The following ELL variants were observed in gnomAD, a reference collection of about 807,000 sequenced individuals.
ELL encodes elongation factor for RNA polymerase II.
In ELL, 18 loss-of-function variants were observed where a neutral mutation model predicts 64.0. The observed-to-expected ratio is 0.28, with a 90% CI of 0.19 to 0.42. The LOEUF (loss-of-function observed/expected upper bound fraction) is 0.42. ELL is among the 10% of genes least tolerant of loss of function. ELL has a pLI of 1.00. For missense variants in ELL, 797 were observed against 870.4 expected (o/e 0.92, Z 1.06); for synonymous variants, 399 against 376.2 (o/e 1.06, Z -0.70).
intron 2 of ELL, among the ~76,000 whole-genome samples, chr19:18,469,250 G>A (rs548728689): frequency 4.1e-4 from 63 of 152,274 alleles, no homozygotes; most frequent in African/African-American, 1.4e-3. Context: ...AAGGTTTCCC[G>A]GAGCCAGACA....
In ELL at chr19:18,472,824, C is replaced by T; in HGVS notation, c.183+11G>A. The T allele has an allele frequency of 6.7e-7, 1 of 1,488,638 alleles. No individual in the cohort carries two copies. Among genetic ancestry groups the T allele is most frequent in the East Asian group, 2.8e-5 (1 of 35,252 alleles). 92.2% of individuals were successfully genotyped at this position (1,488,638 alleles called of 1,614,324 possible). ...AGATTCCAAATATGAATGATTAAGACAAAAACTTACCCCTTGGCTTCCTTG... is the reference window on the plus strand; with the variant it reads ...AGATTCCAAATATGAATGATTAAGATAAAAACTTACCCCTTGGCTTCCTTG... On this transcript the variant is annotated intron_variant, in intron 2 of 11. Coordinates refer to ENST00000262809, the MANE Select transcript of ELL (RefSeq NM_006532.4).
At position 18,443,825 on chromosome 19, in the gene ELL, G is replaced by A. The variant is rs958747661; in HGVS notation, c.*927C>T. 6.0e-5 allele frequency: 14 copies of A among 233,092 alleles called. No individual in the cohort carries two copies. Among genetic ancestry groups the A allele is most frequent in the South Asian group, 5.4e-4 (3 of 5,530 alleles). The allele number at this position is 233,092 out of a possible 1,614,324, so 14.4% of individuals were successfully genotyped here. A position where few individuals can be genotyped will look rare whatever the true frequency, so the allele number is the denominator to read the frequency against. On this transcript the variant is annotated 3_prime_UTR_variant, in exon 12 of 12. Coordinates refer to ENST00000262809, the MANE Select transcript of ELL (RefSeq NM_006532.4). ...ACCTTGGCGGTGGCTCTGCTAAGAC[G>A]ACCCCAGGACCCACAAGTGGACAGA...
chr19:18,505,397 C>G (rs766622322), intron 1 of ELL, among the ~76,000 whole-genome samples: 18 of 152,236 alleles, frequency 1.2e-4, no homozygotes, highest in Non-Finnish European at 2.4e-4. Flanking sequence ...GCAATAAGCC[C>G]CAGCTACTGC....
chr19:18,467,879 A>C (rs10413922), intron 2 of ELL, among the ~76,000 whole-genome samples: 7,059 of 60,348 alleles, frequency 0.12, 690 homozygotes, highest in African/African-American at 0.28. Flanking sequence ...AATCCCCCCC[A>C]CACACAAACA....
At chr19:18,461,459 C>T (rs1974811655) in intron 5 of ELL, 119 bp downstream of exon 5, 1 of 1,468,470 alleles carries the variant, frequency 6.8e-7, no homozygotes, top group Non-Finnish European at 9.1e-7. Context: ...GTGAGAGACC[C>T]CAGGAAGGGC....
chr19:18,486,731 G>T (rs1975426301), intron 1 of ELL, among the ~76,000 whole-genome samples: 1 of 152,196 alleles, frequency 6.6e-6, no homozygotes, highest in Non-Finnish European at 1.5e-5. Flanking sequence ...TGTCCCAGAA[G>T]ATAGGCAAAG....
At chr19:18,483,741 C>T (rs764314460) in intron 1 of ELL, among the ~76,000 whole-genome samples, 2 of 152,186 alleles carry the variant, frequency 1.3e-5, no homozygotes, top group Non-Finnish European at 2.9e-5. Context: ...ACATTTACTA[C>T]ACAATTCTTC....
At chr19:18,512,162 AAAAAG>A (rs1401332056) in intron 1 of ELL, among the ~76,000 whole-genome samples, 2 of 151,574 alleles carry the variant, frequency 1.3e-5, no homozygotes, top group African/African-American at 4.9e-5. Flanking sequence ...CTCAAAAAAA[AAAAAG>A]AAAAAAAATT....
chr19:18,446,426 G>T lies in ELL; in HGVS notation c.1587C>A (p.Phe529Leu). ...CGCGGTACTCGCTGTACTCGGCATT[G>T]AAGTCGTTCTTGTAGCTCTGGCGCT... ...SEQRQSYKND[F>L]NAEYSEYRDL... Residue 529 changes from phenylalanine to leucine, a missense_variant, in exon 10 of 12, where the codon TTC becomes TTA. Physicochemically the swap from Phe to Leu is conservative, Grantham distance 22 (BLOSUM62 0). Coordinates refer to ENST00000262809, the MANE Select transcript of ELL (RefSeq NM_006532.4). 6.2e-7 allele frequency: 1 copy of T among 1,612,956 alleles called. No homozygotes were observed.
rs776123930 is a variant in ELL, at chr19:18,450,461, C to T, written c.1465+16G>A. On this transcript the variant is annotated intron_variant, in intron 8 of 11. Transcript: ENST00000262809. ...TACTTAGAGCCCCGGCAACGCCCTC[C>T]TGCCTGGGCACCTACCTGGGGTGTC... The T allele has an allele frequency of 6.2e-6, 10 of 1,609,266 alleles. No homozygotes were observed. The South Asian group carries it at 8.8e-5, about 14-fold the overall frequency.
rs113111112 is a variant in ELL at position 18,458,343 on chromosome 19, C to T, written c.745-14G>A. The T allele has an allele frequency of 1.5e-3, 2,476 of 1,603,674 alleles. 34 individuals are homozygous for T. In the African/African-American group the frequency reaches 0.027, roughly 18 times the overall value. On this transcript the variant is annotated splice_polypyrimidine_tract_variant and intron_variant, in intron 5 of 11. Transcript: ENST00000262809. ...CATGTTGGCCACCTGCAAGACAGAG[C>T]CAGCCATCACTTTGTGGGAATCCTG... is the stretch of plus-strand genomic sequence containing the variant.
intron 1 of ELL, among the ~76,000 whole-genome samples, chr19:18,510,728 G>T (rs1976001061): frequency 6.6e-6 from 1 of 152,196 alleles, no homozygotes; most frequent in Admixed American, 6.5e-5. Flanking sequence ...GGGCAAGGAC[G>T]TGGCGAAACC....
At chr19:18,468,577 A>G (rs965706634) in intron 2 of ELL, among the ~76,000 whole-genome samples, 1 of 152,226 alleles carries the variant, frequency 6.6e-6, no homozygotes, top group Admixed American at 6.5e-5. Flanking sequence ...GCTGGGGACC[A>G]CACGTCCAGG....
intron 2 of ELL, among the ~76,000 whole-genome samples, chr19:18,471,773 C>T (rs1975070006): frequency 6.6e-6 from 1 of 152,196 alleles, no homozygotes; most frequent in East Asian, 1.9e-4. Flanking sequence ...CCCTTTCTCT[C>T]ATTCCCTGAT....
At chr19:18,493,510 G>A (rs770837900) in intron 1 of ELL, among the ~76,000 whole-genome samples, 6 of 152,274 alleles carry the variant, frequency 3.9e-5, no homozygotes, top group African/African-American at 4.8e-5. Flanking sequence ...CTGGGAGTGA[G>A]CTGCCGCACT....
intron 1 of ELL, among the ~76,000 whole-genome samples, chr19:18,492,390 T>C (rs576854215): frequency 6.6e-6 from 1 of 152,306 alleles, no homozygotes; most frequent in Admixed American, 6.5e-5. Context: ...ATATCTGTTT[T>C]TCATAAACTA....
chr19:18,472,886 TAA>T lies in ELL; in HGVS notation c.136-6_136-5del, dbSNP rs748950436. Reference sequence around the variant, plus strand: ...ATGGCCTCAGTGAAACAGAATCCTATAAAAAAAAAAAAAAAAAAAAAAAGGTG... The same window carrying T: ...ATGGCCTCAGTGAAACAGAATCCTATAAAAAAAAAAAAAAAAAAAAAGGTG... On this transcript the variant is annotated splice_region_variant and splice_polypyrimidine_tract_variant and intron_variant, in intron 1 of 11. Coordinates refer to ENST00000262809, the MANE Select transcript of ELL (RefSeq NM_006532.4). The T allele has an allele frequency of 0.059, 67,294 of 1,149,418 alleles. 6 individuals are homozygous for T. Among genetic ancestry groups the T allele is most frequent in the East Asian group, 0.071 (2,112 of 29,650 alleles). 71.2% of individuals were successfully genotyped at this position (1,149,418 alleles called of 1,614,324 possible). A position where few individuals can be genotyped will look rare whatever the true frequency, so the allele number is the denominator to read the frequency against.
At chr19:18,477,964 TG>T (rs1030776899) in intron 1 of ELL, among the ~76,000 whole-genome samples, 1 of 151,316 alleles carries the variant, frequency 6.6e-6, no homozygotes, top group South Asian at 2.1e-4. Flanking sequence ...AAGGACTGGG[TG>T]GGGGGGATGA....
At chr19:18,486,616 G>A (rs1975423490) in intron 1 of ELL, among the ~76,000 whole-genome samples, 1 of 152,208 alleles carries the variant, frequency 6.6e-6, no homozygotes, top group African/African-American at 2.4e-5. Context: ...GGGCCCCTGT[G>A]TCACGTCAGC....
Sources: allele counts gnomAD v4.1 joint callset (sites outside exome capture counted in the v4.1 genomes callset), GRCh38; gene constraint gnomAD v4.1.1; transcripts MANE v1.5; gene names NCBI Gene and HGNC (gene_info 2026-07-23, HGNC 2026-07-21).